The following CYP3A5 variants were observed in gnomAD, a reference collection of about 807,000 sequenced individuals.
CYP3A5 encodes cytochrome P450 3A5.
A neutral mutation model predicts 55.9 loss-of-function variants in CYP3A5; 51 were observed. The ratio of observed to expected loss-of-function variants is 0.91; its 90% CI spans 0.73 to 1.15. The LOEUF is 1.15. Among genes scored for constraint, CYP3A5 ranks in the 50% most tolerant of loss-of-function variants. The pLI, the probability that CYP3A5 is intolerant of heterozygous loss-of-function variation, is 0.00. For synonymous variants in CYP3A5, 196 were observed against 213.9 expected (o/e 0.92, Z 0.73); for missense variants, 533 against 596.6 (o/e 0.89, Z 1.11).
At chr7:99,663,191 G>A (rs1276590339) in intron 8 of CYP3A5, 13 of 1,107,976 alleles carry the variant, frequency 1.2e-5, no homozygotes, top group Non-Finnish European at 1.4e-5. Context: ...TTCCATCTCT[G>A]GTCATAACTG....
At position 99,664,103 on chromosome 7, in the gene CYP3A5, AAAAAC is replaced by A. The variant is rs773616075; in HGVS notation, c.671-13_671-9del. On this transcript the variant is annotated splice_polypyrimidine_tract_variant and intron_variant, in intron 7 of 12. Coordinates refer to ENST00000222982, the MANE Select transcript of CYP3A5 (RefSeq NM_000777.5). ...TAAGGAATGGAAAGAGTACTGTGGG[AAAAAC>A]AAAACAAACAAAAGGAAATCATTGA... 3.8e-6 allele frequency: 6 copies of A among 1,559,756 alleles called. No homozygotes were observed. The African/African-American group carries it at 8.5e-5, about 22-fold the overall frequency.
At chr7:99,663,112 G>C in intron 8 of CYP3A5, 3 of 1,238,340 alleles carry the variant, frequency 2.4e-6, no homozygotes, top group Non-Finnish European at 3.1e-6. Flanking sequence ...TTGCTTTTTC[G>C]CCTTTGCCCT....
intron 3 of CYP3A5, chr7:99,673,024 T>C (rs1584468612): frequency 3.2e-6 from 1 of 316,366 alleles, no homozygotes; most frequent in Non-Finnish European, 4.8e-6. Flanking sequence ...CTCTCCATAA[T>C]GTTTTATATG....
At chr7:99,652,883 A>G in intron 10 of CYP3A5, 104 bp from the exon 11 acceptor site, 1 of 790,994 alleles carries the variant, frequency 1.3e-6, no homozygotes, top group South Asian at 1.8e-5. Context: ...AGAATAACTC[A>G]TACTGGTAAA....
intron 11 of CYP3A5, among the ~76,000 whole-genome samples, chr7:99,652,018 C>A (rs1809240224): frequency 1.3e-5 from 2 of 152,002 alleles, no homozygotes; most frequent in South Asian, 2.1e-4. Flanking sequence ...ACGTTGAAAG[C>A]AAATGGAATG....
At chr7:99,660,898 A>T (rs1329855890) in intron 9 of CYP3A5, among the ~76,000 whole-genome samples, 2 of 152,190 alleles carry the variant, frequency 1.3e-5, no homozygotes, top group East Asian at 3.9e-4. Context: ...ACTCCTCATC[A>T]TGGCATCCCA....
At position 99,662,791 on chromosome 7, in the gene CYP3A5, G is replaced by A. The variant is rs766943983; in HGVS notation, c.865+25C>T. ...CTCCCTCTTAGTGTCCCCGCCAGTA[G>A]CCCTCAGAAGCACTCCTTGGTTACC... On this transcript the variant is annotated intron_variant, in intron 9 of 12. Transcript: ENST00000222982. The surrounding 1 kb of genome is among the most constrained non-coding windows in gnomAD (Gnocchi z 4.3). 99 of 1,599,878 alleles carry A rather than the reference G, an allele frequency of 6.2e-5. No homozygotes were observed. The highest frequency in any genetic ancestry group is 8.3e-5 in the Non-Finnish European group (97 of 1,167,524).
At chr7:99,667,199 A>C in intron 4 of CYP3A5, 134 bp from the exon 5 acceptor site, 4 of 621,264 alleles carry the variant, frequency 6.4e-6, no homozygotes, top group Non-Finnish European at 9.3e-6. Context: ...AGCCATATTC[A>C]AGATGCTCAA....
In CYP3A5 at chr7:99,664,031, G is replaced by C; in HGVS notation, c.735C>G (p.Thr245=). 6.2e-7 allele frequency: 1 copy of C among 1,600,016 alleles called. No homozygotes were observed. Among genetic ancestry groups the C allele is most frequent in the Non-Finnish European group, 8.5e-7 (1 of 1,176,730 alleles). The change falls in exon 8 of 13, where the codon ACC becomes ACG. Residue 245 remains threonine (T), a synonymous_variant. Transcript: ENST00000222982. ...ALNVSLFPKD[T]INFLSKSVNR... The stretch of plus-strand genomic sequence containing the variant: ...TTACAGATTTACTTAAAAAATTTAT[G>C]GTATCTTTTGGAAACAGAGAGACAT...
At chr7:99,652,441 C>A in intron 11 of CYP3A5, 112 bp downstream of exon 11, 1 of 733,482 alleles carries the variant, frequency 1.4e-6, no homozygotes, top group Non-Finnish European at 2.2e-6. Context: ...GATAAAAAGA[C>A]TTACAAGCAA....
intron 4 of CYP3A5, chr7:99,671,806 G>A (rs1416091756): frequency 4.3e-6 from 3 of 702,906 alleles, no homozygotes; most frequent in Non-Finnish European, 7.8e-6. Context: ...TGTTGTGACT[G>A]TAGGACAGCA....
rs566629410 is a variant in CYP3A5 at position 99,676,120 on chromosome 7, G to A, written c.160C>T (p.Arg54Cys). The A allele has an allele frequency of 4.3e-6, 7 of 1,613,302 alleles. No homozygotes were observed. Among genetic ancestry groups the A allele is most frequent in the African/African-American group, 1.3e-5 (1 of 74,846 alleles). Residue 54 changes from arginine (R) to cysteine (C), a missense_variant, in exon 2 of 13, where the codon CGT becomes TGT. By Grantham distance (180) the Arg-to-Cys change is radical (BLOSUM62 -3). Transcript: ENST00000222982. ...AGGAAGCTCAAGCAACTCACCTGAC[G>A]ATAGGACAAAACATTTCCCAACAAA... is the stretch of plus-strand genomic sequence containing the variant. Reference protein sequence around the residue: ...LPLLGNVLSYRQGLWKFDTEC... With the variant: ...LPLLGNVLSYCQGLWKFDTEC...
chr7:99,657,451 T>C (rs927216508), intron 10 of CYP3A5, among the ~76,000 whole-genome samples: 2 of 152,194 alleles, frequency 1.3e-5, no homozygotes, highest in Non-Finnish European at 2.9e-5. Flanking sequence ...TGAGAGACAG[T>C]TTGTTATAAT....
At chr7:99,668,547 A>G (rs549230415) in intron 4 of CYP3A5, among the ~76,000 whole-genome samples, 57 of 152,350 alleles carry the variant, frequency 3.7e-4, no homozygotes, top group Admixed American at 5.9e-4. Context: ...GTAGACAACA[A>G]TGGAATGGAA....
chr7:99,656,354 G>A (rs9769359), intron 10 of CYP3A5, among the ~76,000 whole-genome samples: 37,054 of 151,990 alleles, frequency 0.24, 8,244 homozygotes, highest in African/African-American at 0.59. Context: ...GGGTTTTGTC[G>A]TTGGTTCTGT....
At chr7:99,666,549 A>G in intron 6 of CYP3A5, 52 bp downstream of exon 6, 1 of 1,578,006 alleles carries the variant, frequency 6.3e-7, no homozygotes, top group Non-Finnish European at 8.7e-7. Flanking sequence ...CATGGCAGGC[A>G]GCTGGAAGGG....
In CYP3A5 at chr7:99,655,924, G is replaced by C. The variant is rs1038189244; in HGVS notation, c.1027-3145C>G. ...AGAATATTTGTGATTTTTGCACATT[G>C]ATTTTGTATCCTGATACTTTGCTGA... On this transcript the variant is annotated intron_variant, in intron 10 of 12. Coordinates refer to ENST00000222982, the MANE Select transcript of CYP3A5 (RefSeq NM_000777.5). Among the ~76,000 whole-genome samples the C allele has an allele frequency of 2.6e-5, 4 of 152,310 alleles. 1 individual carries two copies. Among genetic ancestry groups the C allele is most frequent in the African/African-American group, 9.6e-5 (4 of 41,550 alleles).
At chr7:99,674,690 A>G (rs527645558) in intron 2 of CYP3A5, 105 bp from the exon 3 acceptor site, 13 of 825,528 alleles carry the variant, frequency 1.6e-5, no homozygotes, top group East Asian at 1.3e-4. Flanking sequence ...CAGGCCTGCT[A>G]TCTTTCACTG....
chr7:99,664,093 G>A lies in CYP3A5; in HGVS notation c.673C>T (p.Leu225Phe), dbSNP rs537342140. Residue 225 changes from leucine to phenylalanine, a missense_variant and splice_region_variant, in exon 8 of 13, where the codon CTC becomes TTC. By Grantham distance (22) the Leu-to-Phe change is conservative (BLOSUM62 0). Coordinates refer to ENST00000222982, the MANE Select transcript of CYP3A5 (RefSeq NM_000777.5). Reference sequence around the variant, plus strand: ...AAAACTGGGGTAAGGAATGGAAAGAGTACTGTGGGAAAAACAAAACAAACA... The same window carrying A: ...AAAACTGGGGTAAGGAATGGAAAGAATACTGTGGGAAAAACAAAACAAACA... Reference protein sequence around the residue: ...FLDPLFLSIILFPFLTPVFEA... With the variant: ...FLDPLFLSIIFFPFLTPVFEA... 4 of 1,573,436 alleles carry A rather than the reference G, an allele frequency of 2.5e-6. No homozygotes were observed. Among genetic ancestry groups the A allele is most frequent in the Non-Finnish European group, 3.4e-6 (4 of 1,169,212 alleles).
Sources: gnomAD v4.1 joint callset for allele counts (sites outside exome capture counted in the v4.1 genomes callset) on GRCh38, gnomAD v4.1.1 for gene constraint, Gnocchi (gnomAD v3.1) non-coding constraint, MANE v1.5 for transcripts, NCBI Gene and HGNC (gene_info 2026-07-23, HGNC 2026-07-21) for gene names.